CDH1: variants seen among roughly 807,000 people sequenced by gnomAD.
The protein encoded by CDH1 is cadherin 1, also known as cadherin-1.
CDH1 carries 35 observed loss-of-function variants against 84.5 expected under a neutral mutation model. The observed-to-expected ratio is 0.41, with a 90% CI of 0.32 to 0.55. CDH1 has a LOEUF of 0.55. CDH1 is among the 20% of genes least tolerant of loss of function. The pLI is 0.19. For missense variants in CDH1, 994 were observed against 1,126.6 expected, an observed-to-expected ratio of 0.88 and a Z score of 1.68; for synonymous variants, 417 against 439.0, an observed-to-expected ratio of 0.95 and a Z score of 0.63.
At position 68,829,665 on chromosome 16, in the gene CDH1, G is replaced by A. The variant is rs1596972367; in HGVS notation, c.2307G>A (p.Leu769=). ...GGGEEDQDFD[L]SQLHRGLDAR... is the part of the protein sequence containing the mutation. ...TTTTTTCTCCAAAGGACTTTGACTT[G>A]AGCCAGCTGCACAGGGGCCTGGACG... Residue 769 remains leucine, a synonymous_variant, in exon 15 of 16, where the codon TTG becomes TTA. Transcript: ENST00000261769. 6.2e-7 allele frequency: 1 copy of A among 1,614,044 alleles called. No individual in the cohort carries two copies. Among genetic ancestry groups the A allele is most frequent in the South Asian group, 1.1e-5 (1 of 91,060 alleles).
rs372936969 is a variant in CDH1 at position 68,833,516 on chromosome 16, G to C, written c.*17G>C. The stretch of plus-strand genomic sequence containing the variant: ...GACGACTAGGGGACTCGAGAGAGGC[G>C]GGCCCCAGACCCATGTGCTGGGAAA... On this transcript the variant is annotated 3_prime_UTR_variant, in exon 16 of 16. Coordinates refer to ENST00000261769, the MANE Select transcript of CDH1 (RefSeq NM_004360.5). The C allele has an allele frequency of 6.2e-7, 1 of 1,604,620 alleles. No individual in the cohort carries two copies. Among genetic ancestry groups the C allele is most frequent in the Non-Finnish European group, 8.5e-7 (1 of 1,172,540 alleles).
At position 68,812,408 on chromosome 16, in the gene CDH1, T is replaced by C. The variant is rs957785881; in HGVS notation, c.1137+145T>C. 5.3e-6 allele frequency: 5 copies of C among 945,180 alleles called. No homozygotes were observed. In the African/African-American group the frequency reaches 8.1e-5, roughly 15 times the overall value. 58.5% of individuals were successfully genotyped at this position (945,180 alleles called of 1,614,324 possible). On this transcript the variant is annotated intron_variant, in intron 8 of 15. Coordinates refer to ENST00000261769, the MANE Select transcript of CDH1 (RefSeq NM_004360.5). Reference sequence around the variant, plus strand: ...ACTTTAAACTTAAAAGCAAGCATCTTGAGATGGCAGTTGTCTTTTAGTATC... The same window carrying C: ...ACTTTAAACTTAAAAGCAAGCATCTCGAGATGGCAGTTGTCTTTTAGTATC...
intron 15 of CDH1, among the ~76,000 whole-genome samples, chr16:68,831,127 G>A (rs1240158472): frequency 5.8e-5 from 8 of 138,314 alleles, no homozygotes; most frequent in African/African-American, 2.2e-4. Flanking sequence ...CGCCCAGGCT[G>A]GAGTGCAGTG....
chr16:68,738,287 C>T lies in CDH1; in HGVS notation c.49-10C>T, dbSNP rs975083998. On this transcript the variant is annotated splice_polypyrimidine_tract_variant and intron_variant, in intron 1 of 15. Transcript: ENST00000261769. Reference sequence around the variant, plus strand: ...GTCACCCGGTTCCATCTACCTTTCCCCCACCCCAGGTCTCCTCTTGGCTCT... The same window carrying T: ...GTCACCCGGTTCCATCTACCTTTCCTCCACCCCAGGTCTCCTCTTGGCTCT... 2 of 1,531,488 alleles carry T rather than the reference C, an allele frequency of 1.3e-6. No individual in the cohort carries two copies. Among genetic ancestry groups the T allele is most frequent in the Non-Finnish European group, 1.8e-6 (2 of 1,128,754 alleles). The allele number at this position is 1,531,488 out of a possible 1,614,324, so 94.9% of individuals were successfully genotyped here. A position where few individuals can be genotyped will look rare whatever the true frequency, so the allele number is the denominator to read the frequency against.
chr16:68,823,967 G>C (rs1241750509), intron 13 of CDH1, among the ~76,000 whole-genome samples: 3 of 150,916 alleles, frequency 2.0e-5, no homozygotes, highest in African/African-American at 7.3e-5. Flanking sequence ...AGGAGGTCTG[G>C]CATAGGGCCA....
At chr16:68,783,536 C>T (rs2059254) in intron 2 of CDH1, among the ~76,000 whole-genome samples, 43,224 of 152,046 alleles carry the variant, frequency 0.28, 6,272 homozygotes, top group Middle Eastern at 0.34. Flanking sequence ...GCAGTGTTAC[C>T]GATTTCTTGT....
intron 10 of CDH1, among the ~76,000 whole-genome samples, chr16:68,817,714 A>C (rs961035307): frequency 1.3e-5 from 2 of 151,246 alleles, no homozygotes; most frequent in Non-Finnish European, 2.9e-5. Flanking sequence ...AGGAATAATC[A>C]GACAAACCCA....
chr16:68,745,346 G>C (rs372579147), intron 2 of CDH1, among the ~76,000 whole-genome samples: 1 of 150,256 alleles, frequency 6.7e-6, no homozygotes, highest in East Asian at 1.9e-4. Context: ...ATTTAGCCAG[G>C]TATGGTGGCG....
rs143984802 is a variant in CDH1, at chr16:68,834,608, G to A, written c.*1109G>A. 8.1e-6 allele frequency: 2 copies of A among 245,580 alleles called. No homozygotes were observed. Among genetic ancestry groups the A allele is most frequent in the South Asian group, 1.3e-4 (1 of 7,798 alleles). 15.2% of individuals were successfully genotyped at this position (245,580 alleles called of 1,614,324 possible). ...TGCAGAAATTATTGGGCTCTTTTAG[G>A]GTAAGAAGTTTGTGTCTTTGTCTGG... On this transcript the variant is annotated 3_prime_UTR_variant, in exon 16 of 16. Coordinates refer to ENST00000261769, the MANE Select transcript of CDH1 (RefSeq NM_004360.5).
At chr16:68,782,337 G>A (rs909843973) in intron 2 of CDH1, among the ~76,000 whole-genome samples, 1 of 152,218 alleles carries the variant, frequency 6.6e-6, no homozygotes, top group Non-Finnish European at 1.5e-5. Flanking sequence ...GGTGACCTCA[G>A]AGGCAGTTGC....
intron 2 of CDH1, among the ~76,000 whole-genome samples, chr16:68,741,139 G>T (rs998974461): frequency 4.6e-5 from 7 of 152,060 alleles, no homozygotes; most frequent in African/African-American, 1.4e-4. Flanking sequence ...CACAGAATCC[G>T]CAGGCCTCTG....
chr16:68,834,439 A>C lies in CDH1; in HGVS notation c.*940A>C. 9.2e-6 allele frequency: 3 copies of C among 327,652 alleles called. No homozygotes were observed. The highest frequency in any genetic ancestry group is 1.8e-5 in the Non-Finnish European group (3 of 168,238). 20.3% of individuals were successfully genotyped at this position (327,652 alleles called of 1,614,324 possible). A position where few individuals can be genotyped will look rare whatever the true frequency, so the allele number is the denominator to read the frequency against. Reference sequence around the variant, plus strand: ...GCTATGTTGCCCAAGCTGGTCTTAAACTCCTGGCCTCAAGCAATCCTTCTG... The same window carrying C: ...GCTATGTTGCCCAAGCTGGTCTTAACCTCCTGGCCTCAAGCAATCCTTCTG... On this transcript the variant is annotated 3_prime_UTR_variant, in exon 16 of 16. Coordinates refer to ENST00000261769, the MANE Select transcript of CDH1 (RefSeq NM_004360.5).
At chr16:68,826,137 G>A (rs147819264) in intron 13 of CDH1, among the ~76,000 whole-genome samples, 1 of 151,826 alleles carries the variant, frequency 6.6e-6, no homozygotes, top group South Asian at 2.1e-4. Context: ...CTTAAAGATT[G>A]TAGTTATACT....
At chr16:68,824,482 C>T (rs774430669) in intron 13 of CDH1, among the ~76,000 whole-genome samples, 7 of 152,108 alleles carry the variant, frequency 4.6e-5, no homozygotes, top group East Asian at 3.9e-4. Flanking sequence ...GGAGGCCAAA[C>T]GACTGGAAGT....
chr16:68,788,322 C>T (rs1018814086), intron 2 of CDH1, among the ~76,000 whole-genome samples: 4 of 152,192 alleles, frequency 2.6e-5, no homozygotes, highest in African/African-American at 9.7e-5. Context: ...AATTTACCCA[C>T]TGTAAGTGTA....
chr16:68,800,390 G>A (rs1331466891), intron 2 of CDH1, among the ~76,000 whole-genome samples: 2 of 152,050 alleles, frequency 1.3e-5, no homozygotes, highest in African/African-American at 4.8e-5. Flanking sequence ...ACCCCCAAAC[G>A]TGGTCTTATT....
rs368884824 is a variant in CDH1, at chr16:68,808,380, G to A, written c.388-44G>A. On this transcript the variant is annotated intron_variant, in intron 3 of 15. Coordinates refer to ENST00000261769, the MANE Select transcript of CDH1 (RefSeq NM_004360.5). ...TTGGACTGTTAGACCTGAAGTATCC[G>A]TCTTGAATTGTCTTATCTTGTTCCT... 3.0e-4 allele frequency: 486 copies of A among 1,611,204 alleles called. 1 individual carries two copies. The African/African-American group carries it at 3.1e-3, about 10-fold the overall frequency.
At chr16:68,827,637 A>G (rs755584393) in intron 13 of CDH1, among the ~76,000 whole-genome samples, 18 of 152,156 alleles carry the variant, frequency 1.2e-4, no homozygotes, top group East Asian at 5.8e-4. Context: ...TTATGTATCA[A>G]TCACATTTGG....
At chr16:68,797,723 A>C (rs1960398943) in intron 2 of CDH1, among the ~76,000 whole-genome samples, 1 of 152,206 alleles carries the variant, frequency 6.6e-6, no homozygotes, top group African/African-American at 2.4e-5. Context: ...AATAGTTCAT[A>C]AAAGCTAATT....
Sources: gnomAD v4.1 joint callset for allele counts (sites outside exome capture counted in the v4.1 genomes callset) on GRCh38, gnomAD v4.1.1 for gene constraint, MANE v1.5 for transcripts, NCBI Gene and HGNC (gene_info 2026-07-23, HGNC 2026-07-21) for gene names.